The following PTPRG variants were observed in gnomAD, a reference collection of about 807,000 sequenced individuals.
PTPRG encodes the protein protein tyrosine phosphatase receptor type G.
PTPRG carries 102 observed loss-of-function variants against 165.3 expected under a neutral mutation model. The ratio of observed to expected loss-of-function variants is 0.62; its 90% CI spans 0.53 to 0.73. The LOEUF is 0.73. PTPRG is among the 30% of genes least tolerant of loss of function. PTPRG has a pLI of 0.00. For missense variants in PTPRG, 1,866 were observed against 1,861.4 expected (o/e 1.00, Z -0.05); for synonymous variants, 675 against 669.5 (o/e 1.01, Z -0.13).
At chr3:61,782,369 A>G (rs1398857404) in intron 2 of PTPRG, among the ~76,000 whole-genome samples, 1 of 152,262 alleles carries the variant, frequency 6.6e-6, no homozygotes, top group African/African-American at 2.4e-5. Flanking sequence ...TTAATAATAG[A>G]TGAAGACAAT....
At chr3:61,712,205 T>C in intron 1 of PTPRG, among the ~76,000 whole-genome samples, 1 of 152,156 alleles carries the variant, frequency 6.6e-6, no homozygotes, top group African/African-American at 2.4e-5. Context: ...GTTATTATAG[T>C]CTTTAAAAAA....
intron 2 of PTPRG, among the ~76,000 whole-genome samples, chr3:61,775,127 G>A (rs1197231434): frequency 6.6e-6 from 1 of 152,134 alleles, no homozygotes; most frequent in Non-Finnish European, 1.5e-5. Context: ...CTGGAGTGCA[G>A]CGGCACAATC....
At chr3:61,667,482 A>G (rs558399701) in intron 1 of PTPRG, among the ~76,000 whole-genome samples, 2 of 152,316 alleles carry the variant, frequency 1.3e-5, no homozygotes, top group East Asian at 3.9e-4. Flanking sequence ...GCATATGTAC[A>G]ACGTAATATG....
intron 12 of PTPRG, among the ~76,000 whole-genome samples, chr3:62,208,422 T>G (rs1355705225): frequency 6.6e-6 from 1 of 152,204 alleles, no homozygotes; most frequent in Non-Finnish European, 1.5e-5. Flanking sequence ...CATTTTTGTT[T>G]CCTTAAATTA....
intron 2 of PTPRG, among the ~76,000 whole-genome samples, chr3:61,864,123 C>G (rs911000177): frequency 1.3e-5 from 2 of 152,150 alleles, no homozygotes; most frequent in East Asian, 3.9e-4. Context: ...TACCTACCTC[C>G]TGGGTTATTA....
At chr3:61,858,700 T>C (rs1343851115) in intron 2 of PTPRG, among the ~76,000 whole-genome samples, 1 of 152,218 alleles carries the variant, frequency 6.6e-6, no homozygotes, top group Non-Finnish European at 1.5e-5. Flanking sequence ...AAACAGGTCA[T>C]GAGATATCAA....
chr3:62,090,287 A>C (rs1252749117), intron 5 of PTPRG, among the ~76,000 whole-genome samples: 1 of 152,072 alleles, frequency 6.6e-6, no homozygotes, highest in Non-Finnish European at 1.5e-5. Context: ...TCAGTGAATT[A>C]TTTCTATTTT....
intron 4 of PTPRG, among the ~76,000 whole-genome samples, chr3:62,016,217 G>C (rs918026309): frequency 3.3e-5 from 5 of 152,108 alleles, no homozygotes; most frequent in Non-Finnish European, 7.3e-5. Context: ...ACCCAGGTTG[G>C]AGTGCAGTGG....
At chr3:61,987,055 A>G (rs2040780155) in intron 2 of PTPRG, among the ~76,000 whole-genome samples, 1 of 152,184 alleles carries the variant, frequency 6.6e-6, no homozygotes, top group African/African-American at 2.4e-5. Flanking sequence ...AACACTGAAG[A>G]GATTTATACA....
chr3:61,820,179 G>A (rs148875672), intron 2 of PTPRG, among the ~76,000 whole-genome samples: 35 of 152,300 alleles, frequency 2.3e-4, no homozygotes, highest in African/African-American at 8.4e-4. Flanking sequence ...TGGTGTGACT[G>A]TGGAGGCTGA....
chr3:62,204,029 G>A, intron 12 of PTPRG, 79 bp downstream of exon 12: 2 of 1,492,928 alleles, frequency 1.3e-6, no homozygotes, highest in South Asian at 1.5e-5. Flanking sequence ...GGGAGCAGAA[G>A]GTGAAGCTTC....
At chr3:61,862,966 C>T (rs934707767) in intron 2 of PTPRG, among the ~76,000 whole-genome samples, 2 of 152,170 alleles carry the variant, frequency 1.3e-5, no homozygotes, top group Admixed American at 6.5e-5. Flanking sequence ...GAGCAGATTT[C>T]AGTAGATGAT....
At chr3:61,613,390 A>G (rs188329919) in intron 1 of PTPRG, among the ~76,000 whole-genome samples, 288 of 152,330 alleles carry the variant, frequency 1.9e-3, no homozygotes, top group Non-Finnish European at 3.4e-3. Context: ...TTGTGGCTCA[A>G]TCAGCTCTTT....
chr3:62,296,818 T>C lies in PTPRG; in HGVS notation c.*3511T>C, dbSNP rs1202750422. 2.0e-5 allele frequency: 3 copies of C among 152,106 alleles called. No homozygotes were observed. The East Asian group carries it at 5.8e-4, about 29-fold the overall frequency. 9.4% of individuals were successfully genotyped at this position (152,106 alleles called of 1,614,324 possible). A position where few individuals can be genotyped will look rare whatever the true frequency, so the allele number is the denominator to read the frequency against. On this transcript the variant is annotated 3_prime_UTR_variant, in exon 30 of 30. Transcript: ENST00000474889. ...TTGGCCTCTACTTTGTCTTAGCTGTTAAACTGTTTTTAGTATTTTTGTTAA... is the reference window on the plus strand; with the variant it reads ...TTGGCCTCTACTTTGTCTTAGCTGTCAAACTGTTTTTAGTATTTTTGTTAA...
intron 1 of PTPRG, among the ~76,000 whole-genome samples, chr3:61,732,978 T>C (rs930421003): frequency 3.3e-5 from 5 of 152,296 alleles, no homozygotes; most frequent in African/African-American, 1.2e-4. Flanking sequence ...AGCCTTGTAA[T>C]AATTTTCAGG....
At chr3:61,977,479 A>C (rs1324693381) in intron 2 of PTPRG, among the ~76,000 whole-genome samples, 1 of 152,184 alleles carries the variant, frequency 6.6e-6, no homozygotes, top group Non-Finnish European at 1.5e-5. Flanking sequence ...ATCATCATTA[A>C]TGGTTTAGGA....
intron 2 of PTPRG, among the ~76,000 whole-genome samples, chr3:61,847,829 A>G (rs1427970865): frequency 1.3e-5 from 2 of 152,236 alleles, no homozygotes; most frequent in Non-Finnish European, 2.9e-5. Context: ...GAAGAGATGC[A>G]GACAGAGGCT....
intron 17 of PTPRG, among the ~76,000 whole-genome samples, chr3:62,265,604 G>T (rs577834268): frequency 2.2e-4 from 34 of 152,066 alleles, no homozygotes; most frequent in South Asian, 4.2e-4. Flanking sequence ...TTTTGAATAG[G>T]ATTGTTTGTT....
chr3:61,650,506 T>C (rs1217743288), intron 1 of PTPRG, among the ~76,000 whole-genome samples: 1 of 152,214 alleles, frequency 6.6e-6, no homozygotes, highest in African/African-American at 2.4e-5. Flanking sequence ...TAGGATGCAA[T>C]AGTTATCCAA....
Sources: allele counts gnomAD v4.1 joint callset (sites outside exome capture counted in the v4.1 genomes callset), GRCh38; gene constraint gnomAD v4.1.1; transcripts MANE v1.5; gene names NCBI Gene and HGNC (gene_info 2026-07-23, HGNC 2026-07-21).